The following NAIF1 variants were observed in gnomAD, a reference collection of about 807,000 sequenced individuals.
NAIF1 encodes the protein nuclear apoptosis-inducing factor 1.
NAIF1 carries 14 observed loss-of-function variants against 20.7 expected under a neutral mutation model. The observed-to-expected ratio is 0.67, with a 90% CI of 0.45 to 1.05. The LOEUF (loss-of-function observed/expected upper bound fraction) is 1.05. Ranked by LOEUF, NAIF1 falls within the 50% of genes least tolerant of loss-of-function variation. The probability of loss-of-function intolerance (pLI) is 0.00; values close to 1 mark genes in which losing one functional copy is unlikely to be tolerated. For missense variants in NAIF1, 362 were observed against 448.8 expected (o/e 0.81, Z 1.75); for synonymous variants, 191 against 191.4 (o/e 1.00, Z 0.02).
intron 1 of NAIF1, chr9:128,066,311 G>T: frequency 2.6e-6 from 1 of 377,802 alleles, no homozygotes. Flanking sequence ...TTGTTTTCAA[G>T]GACCACCCAG....
At position 128,062,569 on chromosome 9, in the gene NAIF1, C is replaced by G. The variant is rs1262650222; in HGVS notation, c.*859G>C. 1 of 152,254 alleles carries G rather than the reference C, an allele frequency of 6.6e-6. No individual in the cohort carries two copies. The allele number at this position is 152,254 out of a possible 1,614,324, so 9.4% of individuals were successfully genotyped here. A position where few individuals can be genotyped will look rare whatever the true frequency, so the allele number is the denominator to read the frequency against. Reference sequence around the variant, plus strand: ...GAGGGGTTCACACACAGAATAAATACAACTGGCTGGATGCAAGCCTCCGCA... The same window carrying G: ...GAGGGGTTCACACACAGAATAAATAGAACTGGCTGGATGCAAGCCTCCGCA... On this transcript the variant is annotated 3_prime_UTR_variant, in exon 2 of 2. Transcript: ENST00000373078.
chr9:128,067,233 C>T lies in NAIF1; in HGVS notation c.-132G>A. 8.6e-7 allele frequency: 1 copy of T among 1,161,662 alleles called. No homozygotes were observed. Among genetic ancestry groups the T allele is most frequent in the Non-Finnish European group, 1.2e-6 (1 of 837,058 alleles). 72.0% of individuals were successfully genotyped at this position (1,161,662 alleles called of 1,614,324 possible). A position where few individuals can be genotyped will look rare whatever the true frequency, so the allele number is the denominator to read the frequency against. The stretch of plus-strand genomic sequence containing the variant: ...TAGGCCAGGCTTGCTCGAGGCCAAG[C>T]ACTAGGCCTTTGGTAACCCCCCTCG... On this transcript the variant is annotated 5_prime_UTR_variant, in exon 1 of 2. Coordinates refer to ENST00000373078, the MANE Select transcript of NAIF1 (RefSeq NM_197956.4).
At position 128,063,096 on chromosome 9, in the gene NAIF1, G is replaced by A. The variant is rs1832737237; in HGVS notation, c.*332C>T. 2.5e-5 allele frequency: 8 copies of A among 314,258 alleles called. No individual in the cohort carries two copies. Among genetic ancestry groups the A allele is most frequent in the South Asian group, 1.9e-4 (4 of 20,542 alleles). The allele number at this position is 314,258 out of a possible 1,614,324, so 19.5% of individuals were successfully genotyped here. A position where few individuals can be genotyped will look rare whatever the true frequency, so the allele number is the denominator to read the frequency against. ...GGGTGACGGCCCCCAGTGACAGCCC[G>A]TTGTGTTGTTCCTTACAGTTGTCCA... On this transcript the variant is annotated 3_prime_UTR_variant, in exon 2 of 2. Transcript: ENST00000373078. This position sits in a 1 kb window ranked among gnomAD's most constrained non-coding sequence, Gnocchi z 4.3.
At position 128,063,346 on chromosome 9, in the gene NAIF1, G is replaced by C; in HGVS notation, c.*82C>G. 4 of 1,346,512 alleles carry C rather than the reference G, an allele frequency of 3.0e-6. No individual in the cohort carries two copies. The highest frequency in any genetic ancestry group is 4.1e-6 in the Non-Finnish European group (4 of 971,664). 83.4% of individuals were successfully genotyped at this position (1,346,512 alleles called of 1,614,324 possible). ...GAGCTGTGCACGTGGCCGGTCTAAGGCCAAGGCCAATCACAGGACCCACTT... is the reference window on the plus strand; with the variant it reads ...GAGCTGTGCACGTGGCCGGTCTAAGCCCAAGGCCAATCACAGGACCCACTT... On this transcript the variant is annotated 3_prime_UTR_variant, in exon 2 of 2. Coordinates refer to ENST00000373078, the MANE Select transcript of NAIF1 (RefSeq NM_197956.4). The surrounding 1 kb of genome is among the most constrained non-coding windows in gnomAD (Gnocchi z 4.3).
In NAIF1 at chr9:128,067,228, C is replaced by A; in HGVS notation, c.-127G>T. The A allele has an allele frequency of 8.2e-6, 10 of 1,223,340 alleles. No individual in the cohort carries two copies. The South Asian group carries it at 1.2e-4, about 15-fold the overall frequency. 75.8% of individuals were successfully genotyped at this position (1,223,340 alleles called of 1,614,324 possible). A position where few individuals can be genotyped will look rare whatever the true frequency, so the allele number is the denominator to read the frequency against. On this transcript the variant is annotated 5_prime_UTR_variant, in exon 1 of 2. Transcript: ENST00000373078. ...GGGGATAGGCCAGGCTTGCTCGAGG[C>A]CAAGCACTAGGCCTTTGGTAACCCC...
At chr9:128,064,729 G>A (rs193139871) in intron 1 of NAIF1, among the ~76,000 whole-genome samples, 1,837 of 152,164 alleles carry the variant, frequency 0.012, 52 homozygotes, top group African/African-American at 0.041. Context: ...CCGGCCGGGC[G>A]CGGTGGCTCA....
At chr9:128,064,406 C>A (rs1252993408) in intron 1 of NAIF1, among the ~76,000 whole-genome samples, 1 of 152,148 alleles carries the variant, frequency 6.6e-6, no homozygotes, top group Non-Finnish European at 1.5e-5. Context: ...ACTTGGTAAT[C>A]AAAGGGCCAG....
intron 1 of NAIF1, 49 bp downstream of exon 1, chr9:128,066,542 C>T: frequency 6.8e-7 from 1 of 1,474,042 alleles, no homozygotes; most frequent in Non-Finnish European, 9.0e-7. Context: ...CCAGAGCTTG[C>T]TGGCCCTTCC....
chr9:128,064,033 C>A, intron 1 of NAIF1, 133 bp from the exon 2 acceptor site: 2 of 635,012 alleles, frequency 3.1e-6, no homozygotes, highest in Non-Finnish European at 5.4e-6. Flanking sequence ...CCTCCCCTGG[C>A]TGCATAGCTA....
At position 128,066,621 on chromosome 9, in the gene NAIF1, C is replaced by A; in HGVS notation, c.481G>T (p.Ala161Ser). ...GTCAGGGTGACCGTGGCTGCGGCTG[C>A]GGTGGCCGAGGGTCCGAGGGCCACA... ...HPVALGPSATAAAATVTLTQI... is the reference protein window; with the variant it reads ...HPVALGPSATSAAATVTLTQI... Residue 161 changes from alanine (A) to serine (S), a missense_variant, in exon 1 of 2, where the codon GCA becomes TCA. By Grantham distance (99) the Ala-to-Ser change is moderately conservative (BLOSUM62 1). Transcript: ENST00000373078. The A allele has an allele frequency of 6.5e-7, 1 of 1,527,330 alleles. No individual in the cohort carries two copies. The highest frequency in any genetic ancestry group is 8.8e-7 in the Non-Finnish European group (1 of 1,135,532). 94.6% of individuals were successfully genotyped at this position (1,527,330 alleles called of 1,614,324 possible). A position where few individuals can be genotyped will look rare whatever the true frequency, so the allele number is the denominator to read the frequency against.
intron 1 of NAIF1, chr9:128,066,243 G>T: frequency 7.3e-6 from 2 of 273,564 alleles, no homozygotes; most frequent in Non-Finnish European, 1.4e-5. Flanking sequence ...ATATGGCCTG[G>T]CTGTCTACTA....
rs1374092164 is a variant in NAIF1 at position 128,062,848 on chromosome 9, A to G, written c.*580T>C. ...GAGGCGTCCCAGCACACTACCTAAC[A>G]AGGGCCTGCGCTGTGCCTGGGGTGG... is the stretch of plus-strand genomic sequence containing the variant. On this transcript the variant is annotated 3_prime_UTR_variant, in exon 2 of 2. Transcript: ENST00000373078. 3 of 160,894 alleles carry G rather than the reference A, an allele frequency of 1.9e-5. No individual in the cohort carries two copies. Among genetic ancestry groups the G allele is most frequent in the African/African-American group, 4.8e-5 (2 of 41,494 alleles). The allele number at this position is 160,894 out of a possible 1,614,324, so 10.0% of individuals were successfully genotyped here.
At position 128,063,475 on chromosome 9, in the gene NAIF1, G is replaced by A; in HGVS notation, c.937C>T (p.Pro313Ser). 6.2e-7 allele frequency: 1 copy of A among 1,609,706 alleles called. No homozygotes were observed. The highest frequency in any genetic ancestry group is 8.5e-7 in the Non-Finnish European group (1 of 1,180,012). ...NTANPAPASD[P>S]GQVAQNGQPD... ...TGCCCATTCTGGGCCACCTGCCCAGGGTCAGAGGCGGGGGCCGGGTTAGCT... is the reference window on the plus strand; with the variant it reads ...TGCCCATTCTGGGCCACCTGCCCAGAGTCAGAGGCGGGGGCCGGGTTAGCT... Residue 313 changes from proline (P) to serine (S), a missense_variant, in exon 2 of 2, where the codon CCT becomes TCT. Transcript: ENST00000373078. The surrounding 1 kb of genome is among the most constrained non-coding windows in gnomAD (Gnocchi z 4.3).
At position 128,063,042 on chromosome 9, in the gene NAIF1, G is replaced by T. The variant is rs1474022851; in HGVS notation, c.*386C>A. 1 of 229,782 alleles carries T rather than the reference G, an allele frequency of 4.4e-6. No homozygotes were observed. The allele number at this position is 229,782 out of a possible 1,614,324, so 14.2% of individuals were successfully genotyped here. On this transcript the variant is annotated 3_prime_UTR_variant, in exon 2 of 2. Coordinates refer to ENST00000373078, the MANE Select transcript of NAIF1 (RefSeq NM_197956.4). This position sits in a 1 kb window ranked among gnomAD's most constrained non-coding sequence, Gnocchi z 4.3. Reference sequence around the variant, plus strand: ...CCCTACTCGAAAGGATGGCACCTGGGGTTGGGCAGCTCAGTAGAGACCCAG... The same window carrying T: ...CCCTACTCGAAAGGATGGCACCTGGTGTTGGGCAGCTCAGTAGAGACCCAG...
rs1472231421 is a variant in NAIF1, at chr9:128,067,273, T to C, written c.-172A>G. On this transcript the variant is annotated 5_prime_UTR_variant, in exon 1 of 2. Coordinates refer to ENST00000373078, the MANE Select transcript of NAIF1 (RefSeq NM_197956.4). ...AACCCCCCTCGCTACGCAAAGTGCG[T>C]AGGGCCCAGCCCCGACCGGCCCGGC... 3 of 789,048 alleles carry C rather than the reference T, an allele frequency of 3.8e-6. No homozygotes were observed. The highest frequency in any genetic ancestry group is 3.8e-6 in the Non-Finnish European group (2 of 519,642). The allele number at this position is 789,048 out of a possible 1,614,324, so 48.9% of individuals were successfully genotyped here.
Position 128,067,127 on chromosome 9 carries a change from A to T in NAIF1, c.-26T>A, listed in dbSNP as rs1484318019. 1.3e-6 allele frequency: 2 copies of T among 1,555,894 alleles called. No individual in the cohort carries two copies. The highest frequency in any genetic ancestry group is 4.5e-5 in the East Asian group (2 of 44,260). On this transcript the variant is annotated 5_prime_UTR_variant, in exon 1 of 2. Coordinates refer to ENST00000373078, the MANE Select transcript of NAIF1 (RefSeq NM_197956.4). ...GGCCTCTCCCCTCCCCTCTTTTTAA[A>T]GAAATTATAATCCCCTCAAGCGCCC...
In NAIF1 at chr9:128,063,531, T is replaced by C. The variant is rs1832742766; in HGVS notation, c.881A>G (p.Lys294Arg). Residue 294 changes from lysine (K) to arginine (R), a missense_variant, in exon 2 of 2, where the codon AAA becomes AGA. This residue lies in a region of NAIF1 where 300 missense variants were observed against 342.7 expected (regional missense o/e 0.88). Transcript: ENST00000373078. This position sits in a 1 kb window ranked among gnomAD's most constrained non-coding sequence, Gnocchi z 4.3. ...VLIQVLRPMIKDFRRYLQSNT... is the reference protein window; with the variant it reads ...VLIQVLRPMIRDFRRYLQSNT... Reference sequence around the variant, plus strand: ...GCTCTGCAGGTAGCGGCGGAAATCTTTGATCATAGGCCGGAGGACCTGGAT... The same window carrying C: ...GCTCTGCAGGTAGCGGCGGAAATCTCTGATCATAGGCCGGAGGACCTGGAT... The C allele has an allele frequency of 6.2e-7, 1 of 1,610,260 alleles. No individual in the cohort carries two copies. The highest frequency in any genetic ancestry group is 1.3e-5 in the African/African-American group (1 of 74,956).
chr9:128,067,278 C>G lies in NAIF1; in HGVS notation c.-177G>C. 2 of 712,090 alleles carry G rather than the reference C, an allele frequency of 2.8e-6. No individual in the cohort carries two copies. The highest frequency in any genetic ancestry group is 4.4e-6 in the Non-Finnish European group (2 of 458,964). 44.1% of individuals were successfully genotyped at this position (712,090 alleles called of 1,614,324 possible). A position where few individuals can be genotyped will look rare whatever the true frequency, so the allele number is the denominator to read the frequency against. ...CCCTCGCTACGCAAAGTGCGTAGGG[C>G]CCAGCCCCGACCGGCCCGGCCGCTG... On this transcript the variant is annotated 5_prime_UTR_variant, in exon 1 of 2. Transcript: ENST00000373078.
rs1250798462 is a variant in NAIF1 at position 128,063,857 on chromosome 9, C to T, written c.555G>A (p.Val185=). Residue 185 remains valine (V), a synonymous_variant, in exon 2 of 2, where the codon GTG becomes GTA. Coordinates refer to ENST00000373078, the MANE Select transcript of NAIF1 (RefSeq NM_197956.4). The surrounding 1 kb of genome is among the most constrained non-coding windows in gnomAD (Gnocchi z 4.3). ...GGGGCGCCTCAGCCGTGCAGTACTCCACCACGCCCTCCTCCAGCGTGTGAT... is the reference window on the plus strand; with the variant it reads ...GGGGCGCCTCAGCCGTGCAGTACTCTACCACGCCCTCCTCCAGCGTGTGAT... ...TTYHTLEEGV[V]EYCTAEAPPP... is the part of the protein sequence containing the mutation. 2 of 1,610,580 alleles carry T rather than the reference C, an allele frequency of 1.2e-6. No individual in the cohort carries two copies. Among genetic ancestry groups the T allele is most frequent in the Admixed American group, 1.7e-5 (1 of 60,014 alleles).
Sources: allele counts gnomAD v4.1 joint callset (sites outside exome capture counted in the v4.1 genomes callset), GRCh38; gene constraint gnomAD v4.1.1; regional missense constraint gnomAD v4.1.1; non-coding constraint Gnocchi (gnomAD v3.1); transcripts MANE v1.5; gene names NCBI Gene and HGNC (gene_info 2026-07-23, HGNC 2026-07-21).